The following GOLIM4 variants were observed in gnomAD, a reference collection of about 807,000 sequenced individuals.
GOLIM4 encodes golgi integral membrane protein 4.
GOLIM4 carries 71 observed loss-of-function variants against 107.4 expected under a neutral mutation model. That is an observed-to-expected ratio of 0.66 (90% confidence interval 0.55 to 0.81). The LOEUF is 0.81. Among genes scored for constraint, GOLIM4 ranks in the 30% least tolerant of loss-of-function variants. The pLI is 0.00. For missense variants in GOLIM4, 830 were observed against 826.1 expected (o/e 1.00, Z -0.06); for synonymous variants, 327 against 294.8 (o/e 1.11, Z -1.12).
intron 3 of GOLIM4, among the ~76,000 whole-genome samples, chr3:168,045,466 A>G (rs571013283): frequency 1.8e-3 from 274 of 152,268 alleles, no homozygotes; most frequent in African/African-American, 6.2e-3. Flanking sequence ...TAAGTAGCAG[A>G]GCCAGGATTG....
At chr3:168,027,946 AC>A in intron 11 of GOLIM4, 109 bp from the exon 12 acceptor site, 1 of 703,946 alleles carries the variant, frequency 1.4e-6, no homozygotes, top group Non-Finnish European at 2.6e-6. Context: ...CAATACCTCC[AC>A]CTCTGTTAAC....
At chr3:168,067,188 T>C (rs1720594719) in intron 1 of GOLIM4, among the ~76,000 whole-genome samples, 7 of 152,112 alleles carry the variant, frequency 4.6e-5, no homozygotes, top group Admixed American at 2.0e-4. Context: ...CCACTCCTAA[T>C]GAGCATAATT....
At chr3:168,052,559 A>G (rs1337768949) in intron 1 of GOLIM4, among the ~76,000 whole-genome samples, 1 of 152,216 alleles carries the variant, frequency 6.6e-6, no homozygotes, top group African/African-American at 2.4e-5. Flanking sequence ...TTTGAAAATA[A>G]AAACGGAAAG....
intron 1 of GOLIM4, among the ~76,000 whole-genome samples, chr3:168,080,348 A>G (rs1327205077): frequency 6.6e-6 from 1 of 152,232 alleles, no homozygotes; most frequent in African/African-American, 2.4e-5. Flanking sequence ...CTTGTAAGAC[A>G]CAACACAATT....
At position 168,024,979 on chromosome 3, in the gene GOLIM4, T is replaced by C; in HGVS notation, c.1740A>G (p.Gln580=). The C allele has an allele frequency of 1.2e-6, 2 of 1,614,158 alleles. No individual in the cohort carries two copies. The highest frequency in any genetic ancestry group is 1.7e-6 in the Non-Finnish European group (2 of 1,179,980). The change falls in exon 13 of 16, where the codon CAA becomes CAG. Residue 580 remains glutamine (Q), a synonymous_variant. Coordinates refer to ENST00000470487, the MANE Select transcript of GOLIM4 (RefSeq NM_014498.5). Reference sequence around the variant, plus strand: ...TCTCTTGCTTTTGATTACTTTGTTTTTGCTCTTCATTTTCATCTGGCAAAT... The same window carrying C: ...TCTCTTGCTTTTGATTACTTTGTTTCTGCTCTTCATTTTCATCTGGCAAAT... The part of the protein sequence containing the change: ...EENLPDENEE[Q]KQSNQKQENT...
intron 14 of GOLIM4, among the ~76,000 whole-genome samples, chr3:168,022,427 T>C (rs374925406): frequency 1.3e-5 from 2 of 152,172 alleles, no homozygotes; most frequent in African/African-American, 2.4e-5. Flanking sequence ...CATACACATA[T>C]GCACTTATAA....
At chr3:168,057,899 C>T (rs1720063755) in intron 1 of GOLIM4, among the ~76,000 whole-genome samples, 1 of 152,068 alleles carries the variant, frequency 6.6e-6, no homozygotes, top group Non-Finnish European at 1.5e-5. Context: ...CATTCTCTTC[C>T]ACCTTTCCCT....
rs139478193 is a variant in GOLIM4 at position 168,061,411 on chromosome 3, G to A, written c.188-13046C>T. Among the ~76,000 whole-genome samples the A allele has an allele frequency of 9.0e-4, 137 of 152,300 alleles. 1 individual carries two copies. The highest frequency in any genetic ancestry group is 3.2e-3 in the African/African-American group (132 of 41,574). ...ACAACCATTTTAGAAAACTGATAGT[G>A]TTAACTAAAGCTGATGAAGGCATAT... is the stretch of plus-strand genomic sequence containing the variant. On this transcript the variant is annotated intron_variant, in intron 1 of 15. Coordinates refer to ENST00000470487, the MANE Select transcript of GOLIM4 (RefSeq NM_014498.5).
chr3:168,068,582 A>G (rs575342732), intron 1 of GOLIM4, among the ~76,000 whole-genome samples: 47 of 152,128 alleles, frequency 3.1e-4, no homozygotes, highest in African/African-American at 1.1e-3. Flanking sequence ...TTTTTTTTTA[A>G]TACTAAAAAG....
chr3:168,018,603 A>G (rs1414811442), intron 14 of GOLIM4, among the ~76,000 whole-genome samples: 3 of 152,286 alleles, frequency 2.0e-5, no homozygotes, highest in Non-Finnish European at 4.4e-5. Flanking sequence ...GGTCCATAAC[A>G]TCTCCTCTGC....
At chr3:168,043,302 AAC>A (rs1393237277) in intron 5 of GOLIM4, 75 bp downstream of exon 5, 2 of 1,000,806 alleles carry the variant, frequency 2.0e-6, no homozygotes, top group East Asian at 2.5e-5. Context: ...CACTCAAAAC[AAC>A]AGTCTACAGT....
intron 8 of GOLIM4, among the ~76,000 whole-genome samples, chr3:168,033,675 C>T (rs1355613925): frequency 2.4e-5 from 3 of 127,204 alleles, no homozygotes; most frequent in Non-Finnish European, 4.9e-5. Context: ...CATGTTAGTT[C>T]AACACAGTGC....
chr3:168,028,294 CAT>C (rs1196778537), intron 11 of GOLIM4, among the ~76,000 whole-genome samples: 9 of 152,206 alleles, frequency 5.9e-5, no homozygotes, highest in Non-Finnish European at 1.2e-4. Context: ...TAGCCCATCA[CAT>C]GTTTTCTGAT....
At chr3:168,039,955 G>C (rs1277705049) in intron 7 of GOLIM4, among the ~76,000 whole-genome samples, 1 of 152,134 alleles carries the variant, frequency 6.6e-6, no homozygotes, top group African/African-American at 2.4e-5. Flanking sequence ...AGATGGGTCA[G>C]GGACAGAAAA....
At chr3:168,062,798 A>T (rs1182319364) in intron 1 of GOLIM4, among the ~76,000 whole-genome samples, 1 of 152,226 alleles carries the variant, frequency 6.6e-6, no homozygotes, top group African/African-American at 2.4e-5. Context: ...TAGGAAATAG[A>T]ATCAAAATGC....
intron 1 of GOLIM4, among the ~76,000 whole-genome samples, chr3:168,088,772 C>A (rs971484593): frequency 4.6e-5 from 7 of 152,230 alleles, no homozygotes; most frequent in Non-Finnish European, 7.3e-5. Context: ...AGTCAGTATT[C>A]ATTTCCCCAA....
intron 1 of GOLIM4, among the ~76,000 whole-genome samples, chr3:168,064,803 T>A (rs552419428): frequency 1.3e-5 from 2 of 152,276 alleles, no homozygotes; most frequent in East Asian, 3.9e-4. Flanking sequence ...GGTGCATGAC[T>A]GGATGCTAAA....
intron 1 of GOLIM4, among the ~76,000 whole-genome samples, chr3:168,086,805 A>G (rs1207218111): frequency 6.6e-6 from 1 of 152,226 alleles, no homozygotes; most frequent in Non-Finnish European, 1.5e-5. Flanking sequence ...ATAAAAACAA[A>G]GAACACAAAT....
At position 168,008,855 on chromosome 3, in the gene GOLIM4, T is replaced by A. The variant is rs542519766; in HGVS notation, c.*1414A>T. On this transcript the variant is annotated 3_prime_UTR_variant, in exon 16 of 16. Coordinates refer to ENST00000470487, the MANE Select transcript of GOLIM4 (RefSeq NM_014498.5). ...ACATTACATAATGGGTTTTTATACA[T>A]AAAGGTAAGATTTCTGATTATTGGA... 1 of 152,098 alleles carries A rather than the reference T, an allele frequency of 6.6e-6. No homozygotes were observed. Among genetic ancestry groups the A allele is most frequent in the East Asian group, 1.9e-4 (1 of 5,198 alleles). The allele number at this position is 152,098 out of a possible 1,614,324, so 9.4% of individuals were successfully genotyped here.
Sources: gnomAD v4.1 joint callset for allele counts (sites outside exome capture counted in the v4.1 genomes callset) on GRCh38, gnomAD v4.1.1 for gene constraint, MANE v1.5 for transcripts, NCBI Gene and HGNC (gene_info 2026-07-23, HGNC 2026-07-21) for gene names.